SH2D4A: variants seen among roughly 807,000 people sequenced by gnomAD.
The protein encoded by SH2D4A is SH2 domain-containing protein 4A.
SH2D4A carries 70 observed loss-of-function variants against 64.7 expected under a neutral mutation model. The ratio of observed to expected loss-of-function variants is 1.08; its 90% CI spans 0.89 to 1.32. SH2D4A has a LOEUF of 1.32. SH2D4A is among the 40% of genes most tolerant of loss of function. SH2D4A has a pLI of 0.00. For missense variants in SH2D4A, 706 were observed against 540.1 expected, an observed-to-expected ratio of 1.31 and a Z score of -3.04; for synonymous variants, 268 against 200.7, an observed-to-expected ratio of 1.34 and a Z score of -2.83.
At position 19,370,656 on chromosome 8, in the gene SH2D4A, A is replaced by G. The variant is rs957095827; in HGVS notation, c.918-2874A>G. ...AGGTGAAGTTAGCCCCTTGCAGGCA[A>G]TGTATAATTTGGTATTGTTTCATTT... On this transcript the variant is annotated intron_variant, in intron 7 of 9. Transcript: ENST00000265807. 1.2e-4 allele frequency among the ~76,000 whole-genome samples: 19 copies of G among 152,162 alleles called. No homozygotes were observed. The East Asian group carries it at 3.5e-3, about 28-fold the overall frequency.
At chr8:19,360,009 GT>G (rs2052854638) in intron 5 of SH2D4A, among the ~76,000 whole-genome samples, 1 of 152,312 alleles carries the variant, frequency 6.6e-6, no homozygotes, top group South Asian at 2.1e-4. Flanking sequence ...CCACCAAACT[GT>G]AAATTCAGTC....
intron 4 of SH2D4A, among the ~76,000 whole-genome samples, chr8:19,354,200 C>T (rs533098367): frequency 6.6e-5 from 10 of 152,038 alleles, no homozygotes; most frequent in African/African-American, 2.4e-4. Context: ...GGGGTTTCAC[C>T]ATGTGGGCCA....
At chr8:19,331,727 T>G (rs2052367616) in intron 2 of SH2D4A, among the ~76,000 whole-genome samples, 2 of 152,162 alleles carry the variant, frequency 1.3e-5, no homozygotes, top group African/African-American at 4.8e-5. Flanking sequence ...TGGCAGGCAC[T>G]AGGGGAAGAA....
chr8:19,340,607 T>TC (rs2052515851), intron 4 of SH2D4A, among the ~76,000 whole-genome samples: 1 of 145,216 alleles, frequency 6.9e-6, no homozygotes, highest in African/African-American at 2.5e-5. Context: ...CTTTCTTTTT[T>TC]TTTTTTTTTT....
Position 19,334,681 on chromosome 8 carries a change from T to C in SH2D4A, c.342-5T>C, listed in dbSNP as rs17128221. Reference sequence around the variant, plus strand: ...TTTGAGAATTTCACTTTTGCCTCTCTTCAGAAAAACTCACTCTGAAGAATT... The same window carrying C: ...TTTGAGAATTTCACTTTTGCCTCTCCTCAGAAAAACTCACTCTGAAGAATT... On this transcript the variant is annotated splice_polypyrimidine_tract_variant and splice_region_variant and intron_variant, in intron 3 of 9. Coordinates refer to ENST00000265807, the MANE Select transcript of SH2D4A (RefSeq NM_022071.4). The C allele has an allele frequency of 0.25, 393,369 of 1,587,014 alleles. 52,356 individuals carry two copies. Among genetic ancestry groups the C allele is most frequent in the African/African-American group, 0.49 (35,647 of 73,354 alleles).
chr8:19,324,018 C>A (rs1401422675), intron 2 of SH2D4A, among the ~76,000 whole-genome samples: 1 of 152,206 alleles, frequency 6.6e-6, no homozygotes, highest in African/African-American at 2.4e-5. Context: ...TAGAGCTTAA[C>A]TGGAGCTTAA....
intron 8 of SH2D4A, among the ~76,000 whole-genome samples, chr8:19,390,008 T>C (rs1738186208): frequency 6.6e-6 from 1 of 152,184 alleles, no homozygotes; most frequent in African/African-American, 2.4e-5. Flanking sequence ...CTTTAGGGGC[T>C]GGGATGAAGA....
In SH2D4A at chr8:19,357,319, T is replaced by G. The variant is rs772578733; in HGVS notation, c.594+36T>G. The G allele has an allele frequency of 2.1e-6, 3 of 1,399,598 alleles. No homozygotes were observed. The African/African-American group carries it at 4.3e-5, about 20-fold the overall frequency. 86.7% of individuals were successfully genotyped at this position (1,399,598 alleles called of 1,614,324 possible). On this transcript the variant is annotated intron_variant, in intron 5 of 9. Coordinates refer to ENST00000265807, the MANE Select transcript of SH2D4A (RefSeq NM_022071.4). Reference sequence around the variant, plus strand: ...TCCCTTCTGTCCTCCGGGGGCTGCATACCTAGGCATTTCCACTAATGTTTC... The same window carrying G: ...TCCCTTCTGTCCTCCGGGGGCTGCAGACCTAGGCATTTCCACTAATGTTTC...
At chr8:19,326,808 C>G (rs76806692) in intron 2 of SH2D4A, among the ~76,000 whole-genome samples, 1,639 of 152,212 alleles carry the variant, frequency 0.011, 42 homozygotes, top group African/African-American at 0.037. Context: ...GAGTCTTAGC[C>G]CTTGATCTCC....
chr8:19,316,754 G>C (rs1333514043), intron 1 of SH2D4A, among the ~76,000 whole-genome samples: 1 of 152,204 alleles, frequency 6.6e-6, no homozygotes, highest in Non-Finnish European at 1.5e-5. Context: ...AAAGGCCTCT[G>C]TGTTGTGTAT....
At chr8:19,326,127 G>A (rs2052275403) in intron 2 of SH2D4A, among the ~76,000 whole-genome samples, 1 of 152,178 alleles carries the variant, frequency 6.6e-6, no homozygotes, top group African/African-American at 2.4e-5. Context: ...CATGCAGAAC[G>A]GTTTTGAATT....
intron 2 of SH2D4A, among the ~76,000 whole-genome samples, chr8:19,330,593 C>T (rs1288038316): frequency 1.3e-5 from 2 of 152,184 alleles, no homozygotes; most frequent in African/African-American, 2.4e-5. Flanking sequence ...CTCTCCCCAC[C>T]TGCAGCAATG....
intron 1 of SH2D4A, among the ~76,000 whole-genome samples, chr8:19,316,737 C>G (rs553565891): frequency 2.0e-5 from 3 of 152,332 alleles, no homozygotes; most frequent in Admixed American, 6.5e-5. Context: ...CACAAATAAA[C>G]TCACAAAAAG....
intron 8 of SH2D4A, 137 bp from the exon 9 acceptor site, chr8:19,393,181 C>G (rs540797651): frequency 1.4e-4 from 103 of 746,530 alleles, no homozygotes; most frequent in African/African-American, 1.3e-3. Flanking sequence ...CCTAAGAAGC[C>G]CAAAACAGAC....
intron 7 of SH2D4A, among the ~76,000 whole-genome samples, chr8:19,370,064 C>T (rs2053068694): frequency 6.6e-6 from 1 of 151,966 alleles, no homozygotes; most frequent in Non-Finnish European, 1.5e-5. Flanking sequence ...TTTATTGACC[C>T]ATTGGTTGTT....
chr8:19,366,344 G>T (rs1213871926), intron 7 of SH2D4A, among the ~76,000 whole-genome samples: 1 of 152,188 alleles, frequency 6.6e-6, no homozygotes, highest in African/African-American at 2.4e-5. Flanking sequence ...TTTGAAGTAT[G>T]TAGTACATTA....
Position 19,334,739 on chromosome 8 carries a change from A to G in SH2D4A, c.395A>G (p.His132Arg), listed in dbSNP as rs144376150. Reference sequence around the variant, plus strand: ...AGCTTGAAAACAAAATCACAGTACCATGATCTGCAGGCTCCGGATAACCAG... The same window carrying G: ...AGCTTGAAAACAAAATCACAGTACCGTGATCTGCAGGCTCCGGATAACCAG... ...TNSLKTKSQY[H>R]DLQAPDNQQT... Residue 132 changes from histidine to arginine, a missense_variant, in exon 4 of 10, where the codon CAT (histidine) becomes CGT (arginine). Coordinates refer to ENST00000265807, the MANE Select transcript of SH2D4A (RefSeq NM_022071.4). 3.1e-6 allele frequency: 5 copies of G among 1,613,898 alleles called. No individual in the cohort carries two copies. In the African/African-American group the frequency reaches 6.7e-5, roughly 22 times the overall value.
At chr8:19,334,215 G>A (rs971669297) in intron 3 of SH2D4A, among the ~76,000 whole-genome samples, 1 of 152,310 alleles carries the variant, frequency 6.6e-6, no homozygotes, top group Non-Finnish European at 1.5e-5. Flanking sequence ...GGCTAGGGAT[G>A]CAAAGCAGAC....
chr8:19,364,624 GGGA>G (rs1400528764), intron 7 of SH2D4A, among the ~76,000 whole-genome samples: 3 of 151,732 alleles, frequency 2.0e-5, no homozygotes, highest in South Asian at 4.2e-4. Flanking sequence ...AGCCAGTGAG[GGGA>G]GAAGAGGAAA....
Sources: allele counts gnomAD v4.1 joint callset (sites outside exome capture counted in the v4.1 genomes callset), GRCh38; gene constraint gnomAD v4.1.1; transcripts MANE v1.5; gene names NCBI Gene and HGNC (gene_info 2026-07-23, HGNC 2026-07-21).